The following ZNF680 variants were observed in gnomAD, a reference collection of about 807,000 sequenced individuals.
ZNF680 encodes hypothetical protein FLJ90430.
A neutral mutation model predicts 12.1 loss-of-function variants in ZNF680; 6 were observed. The observed-to-expected ratio is 0.49, with a 90% CI of 0.27 to 0.98. The LOEUF (loss-of-function observed/expected upper bound fraction) is 0.98. Among genes scored for constraint, ZNF680 ranks in the 50% least tolerant of loss-of-function variants. ZNF680 has a pLI of 0.12. For synonymous variants in ZNF680, 170 were observed against 199.3 expected (o/e 0.85, Z 1.24); for missense variants, 561 against 616.3 (o/e 0.91, Z 0.95).
At chr7:64,554,860 C>T (rs1051876280) in intron 1 of ZNF680, among the ~76,000 whole-genome samples, 8 of 152,218 alleles carry the variant, frequency 5.3e-5, no homozygotes, top group Non-Finnish European at 7.4e-5. Context: ...CGGAAGGCAG[C>T]GGGGCCCTCT....
intron 1 of ZNF680, among the ~76,000 whole-genome samples, chr7:64,554,514 G>T (rs1787293779): frequency 6.6e-6 from 1 of 152,192 alleles, no homozygotes; most frequent in African/African-American, 2.4e-5. Context: ...CATTGAGAAC[G>T]GGCCATGATG....
chr7:64,556,451 A>G (rs1038063774), intron 1 of ZNF680, among the ~76,000 whole-genome samples: 1 of 152,102 alleles, frequency 6.6e-6, no homozygotes, highest in Non-Finnish European at 1.5e-5. Flanking sequence ...GAACAATGGA[A>G]CAGAATAAGA....
chr7:64,523,685 G>A (rs1173719891), intron 3 of ZNF680, among the ~76,000 whole-genome samples: 18 of 152,144 alleles, frequency 1.2e-4, no homozygotes, highest in African/African-American at 3.1e-4. Flanking sequence ...AGGCCGAGGC[G>A]GGCGGATCAC....
downstream of ZNF680, among the ~76,000 whole-genome samples, chr7:64,517,951 T>C (rs544337505): frequency 6.6e-6 from 1 of 152,166 alleles, no homozygotes; most frequent in African/African-American, 2.4e-5. Context: ...ATAAAAGCCA[T>C]CTATGTCAAA....
intron 1 of ZNF680, among the ~76,000 whole-genome samples, chr7:64,555,204 T>C (rs1787341411): frequency 6.6e-6 from 1 of 152,042 alleles, no homozygotes; most frequent in Non-Finnish European, 1.5e-5. Flanking sequence ...AAAAACAACA[T>C]ACTATACATT....
At chr7:64,548,034 A>G (rs1319281196) in intron 1 of ZNF680, among the ~76,000 whole-genome samples, 2 of 152,188 alleles carry the variant, frequency 1.3e-5, no homozygotes, top group Non-Finnish European at 2.9e-5. Flanking sequence ...GAACTGGGGC[A>G]GGGAGTGGAC....
chr7:64,559,730 C>T (rs1787627063), intron 1 of ZNF680, among the ~76,000 whole-genome samples: 1 of 152,132 alleles, frequency 6.6e-6, no homozygotes, highest in South Asian at 2.1e-4. Flanking sequence ...GATCCACCCA[C>T]CTTGGCCTCC....
intron 1 of ZNF680, among the ~76,000 whole-genome samples, chr7:64,556,028 C>A (rs10249274): frequency 0.026 from 3,916 of 151,330 alleles, 176 homozygotes; most frequent in African/African-American, 0.09. Context: ...ACAATAACCA[C>A]AAAAATAATA....
At chr7:64,501,889 C>G in the ZNF680 span, among the ~76,000 whole-genome samples, 263 of 152,126 alleles carry the variant, frequency 1.7e-3, 1 homozygote, top group African/African-American at 5.8e-3. Context: ...ACCTAGGTCC[C>G]ATTTCACCTC....
At chr7:64,559,802 T>C (rs1787630700) in intron 1 of ZNF680, among the ~76,000 whole-genome samples, 1 of 152,072 alleles carries the variant, frequency 6.6e-6, no homozygotes, top group Admixed American at 6.6e-5. Flanking sequence ...TTTTTGAAGA[T>C]GCATAACATT....
At chr7:64,513,419 A>G in the ZNF680 span, among the ~76,000 whole-genome samples, 1 of 152,068 alleles carries the variant, frequency 6.6e-6, no homozygotes, top group African/African-American at 2.4e-5. Flanking sequence ...ATTCAAAAGG[A>G]TATTATATAG....
the ZNF680 span, among the ~76,000 whole-genome samples, chr7:64,511,101 C>G: frequency 6.6e-6 from 1 of 151,448 alleles, no homozygotes; most frequent in South Asian, 2.1e-4. Flanking sequence ...GAAACCCCAT[C>G]TCTACTAAAA....
chr7:64,526,752 GT>G (rs1445606056), intron 3 of ZNF680, among the ~76,000 whole-genome samples: 1 of 151,992 alleles, frequency 6.6e-6, no homozygotes, highest in Admixed American at 6.6e-5. Context: ...AAAAATAATA[GT>G]TTTTAACATC....
chr7:64,534,040 A>G (rs1274347386), intron 3 of ZNF680, among the ~76,000 whole-genome samples: 1 of 152,242 alleles, frequency 6.6e-6, no homozygotes, highest in African/African-American at 2.4e-5. Context: ...ACTTAAATGT[A>G]AGACCTGAAA....
intron 3 of ZNF680, among the ~76,000 whole-genome samples, chr7:64,529,316 C>CAG (rs1785738460): frequency 6.6e-6 from 1 of 152,054 alleles, no homozygotes; most frequent in African/African-American, 2.4e-5. Flanking sequence ...AGAAGGAATC[C>CAG]CTGTTTTACC....
intron 1 of ZNF680, among the ~76,000 whole-genome samples, chr7:64,560,022 T>C (rs1787643045): frequency 6.6e-6 from 1 of 151,778 alleles, no homozygotes; most frequent in Non-Finnish European, 1.5e-5. Flanking sequence ...AAATTTACCA[T>C]GCAAAAAGAG....
chr7:64,502,793 T>C, the ZNF680 span, among the ~76,000 whole-genome samples: 31 of 152,150 alleles, frequency 2.0e-4, no homozygotes, highest in African/African-American at 7.2e-4. Context: ...TCCTGAAGAA[T>C]CAAAACCGAA....
At chr7:64,501,990 C>T in the ZNF680 span, among the ~76,000 whole-genome samples, 33,666 of 139,770 alleles carry the variant, frequency 0.24, 4,100 homozygotes, top group South Asian at 0.3. Context: ...ATAAAAAGGA[C>T]GTATTTCTTT....
At chr7:64,531,307 A>G (rs1785863202) in intron 3 of ZNF680, among the ~76,000 whole-genome samples, 1 of 152,238 alleles carries the variant, frequency 6.6e-6, no homozygotes, top group South Asian at 2.1e-4. Context: ...GAATAAAACT[A>G]GAAATCAGCC....
Sources: gnomAD v4.1 joint callset for allele counts (sites outside exome capture counted in the v4.1 genomes callset) on GRCh38, gnomAD v4.1.1 for gene constraint, MANE v1.5 for transcripts, NCBI Gene and HGNC (gene_info 2026-07-23, HGNC 2026-07-21) for gene names.